The following FCER1A variants were observed in gnomAD, a reference collection of about 807,000 sequenced individuals.
FCER1A encodes high affinity immunoglobulin epsilon receptor subunit alpha.
In FCER1A, 24 loss-of-function variants were observed where a neutral mutation model predicts 23.6. The ratio of observed to expected loss-of-function variants is 1.02; its 90% CI spans 0.74 to 1.43. The LOEUF is 1.43. Among genes scored for constraint, FCER1A ranks in the 40% most tolerant of loss-of-function variants. FCER1A has a pLI of 0.00. For synonymous variants in FCER1A, 121 were observed against 108.8 expected (o/e 1.11, Z -0.70); for missense variants, 318 against 294.5 (o/e 1.08, Z -0.58).
chr1:159,307,892 T>G lies in FCER1A; in HGVS notation c.734T>G (p.Leu245Arg), dbSNP rs143576640. 8.1e-6 allele frequency: 13 copies of G among 1,612,718 alleles called. No individual in the cohort carries two copies. The highest frequency in any genetic ancestry group is 1.1e-5 in the Non-Finnish European group (13 of 1,178,940). The change falls in exon 5 of 5, where the codon CTT becomes CGT. Residue 245 changes from leucine (L) to arginine (R), a missense_variant. By Grantham distance (102) the Leu-to-Arg change is moderately radical. Transcript: ENST00000693622. ...AAGAGAACCAGGAAAGGCTTCAGACTTCTGAACCCACATCCTAAGCCAAAC... is the reference window on the plus strand; with the variant it reads ...AAGAGAACCAGGAAAGGCTTCAGACGTCTGAACCCACATCCTAAGCCAAAC... Reference protein sequence around the residue: ...KIKRTRKGFRLLNPHPKPNPK... With the variant: ...KIKRTRKGFRRLNPHPKPNPK...
intron 3 of FCER1A, among the ~76,000 whole-genome samples, chr1:159,304,990 C>T (rs1652555450): frequency 6.6e-6 from 1 of 152,140 alleles, no homozygotes; most frequent in Non-Finnish European, 1.5e-5. Flanking sequence ...ATTTTTATCA[C>T]TCCTACTGCC....
At chr1:159,303,643 A>G (rs981792788) in intron 2 of FCER1A, among the ~76,000 whole-genome samples, 1 of 152,254 alleles carries the variant, frequency 6.6e-6, no homozygotes, top group Non-Finnish European at 1.5e-5. Context: ...TGAAATTAAC[A>G]GAAGTAGAGT....
At chr1:159,293,676 G>C (rs1378782290) in intron 1 of FCER1A, among the ~76,000 whole-genome samples, 1 of 151,222 alleles carries the variant, frequency 6.6e-6, no homozygotes, top group African/African-American at 2.4e-5. Flanking sequence ...AGTTTACTGA[G>C]AATGATGATT....
At chr1:159,298,725 C>A (rs1652356851), upstream of FCER1A, among the ~76,000 whole-genome samples, 1 of 152,118 alleles carries the variant, frequency 6.6e-6, no homozygotes. Context: ...TAGGCATGTC[C>A]ATGAAATATA....
At chr1:159,292,777 G>A (rs1571075731) in intron 1 of FCER1A, among the ~76,000 whole-genome samples, 1 of 152,106 alleles carries the variant, frequency 6.6e-6, no homozygotes, top group Non-Finnish European at 1.5e-5. Context: ...CCTGTAAGAG[G>A]TAATTGGTTC....
At chr1:159,303,872 T>C in intron 2 of FCER1A, 56 bp from the exon 3 acceptor site, 1 of 1,433,220 alleles carries the variant, frequency 7.0e-7, no homozygotes, top group Non-Finnish European at 9.6e-7. Flanking sequence ...GCCTAGACAG[T>C]TTTCAATGAC....
upstream of FCER1A, chr1:159,289,629 A>C (rs558361915): frequency 2.8e-4 from 42 of 152,238 alleles, no homozygotes; most frequent in African/African-American, 9.9e-4. Context: ...GTCTCATTGG[A>C]GTTATTAGGC....
In FCER1A at chr1:159,307,874, C is replaced by A. The variant is rs1214720505; in HGVS notation, c.716C>A (p.Thr239Asn). 3.1e-6 allele frequency: 5 copies of A among 1,613,322 alleles called. No individual in the cohort carries two copies. In the Admixed American group the frequency reaches 8.3e-5, roughly 27 times the overall value. ...ACATTTCTCTTGAAGATTAAGAGAA[C>A]CAGGAAAGGCTTCAGACTTCTGAAC... ...QVTFLLKIKR[T>N]RKGFRLLNPH... Residue 239 changes from threonine (T) to asparagine (N), a missense_variant, in exon 5 of 5, where the codon ACC becomes AAC. Thr to Asn is a moderately conservative substitution (Grantham distance 65). Transcript: ENST00000693622.
intron 1 of FCER1A, among the ~76,000 whole-genome samples, chr1:159,292,274 C>G (rs1201395846): frequency 2.0e-5 from 3 of 152,064 alleles, no homozygotes; most frequent in Non-Finnish European, 4.4e-5. Flanking sequence ...AGCACAGACT[C>G]TTAGATACAA....
At chr1:159,297,037 T>C (rs1652309848) in intron 1 of FCER1A, among the ~76,000 whole-genome samples, 1 of 152,210 alleles carries the variant, frequency 6.6e-6, no homozygotes, top group Non-Finnish European at 1.5e-5. Flanking sequence ...CATCCTTGTC[T>C]GTTAACGGCC....
chr1:159,303,263 G>A (rs1163768262), intron 2 of FCER1A, among the ~76,000 whole-genome samples: 2 of 152,060 alleles, frequency 1.3e-5, no homozygotes, highest in African/African-American at 4.8e-5. Context: ...AAGTTCCTTG[G>A]ATCTAAGTCC....
chr1:159,304,255 G>A (rs563536371), intron 3 of FCER1A, 73 bp downstream of exon 3: 10 of 1,463,206 alleles, frequency 6.8e-6, no homozygotes, highest in Non-Finnish European at 9.4e-6. Flanking sequence ...GAAAAAACAG[G>A]TTATTCCAAG....
In FCER1A at chr1:159,306,190, C is replaced by A. The variant is rs778295141; in HGVS notation, c.534C>A (p.Gly178=). ...VEDSGTYYCT[G]KVWQLDYESE... is the part of the protein sequence containing the mutation. ...ACAGTGGAACCTACTACTGTACGGGCAAAGTGTGGCAGCTGGACTATGAGT... is the reference window on the plus strand; with the variant it reads ...ACAGTGGAACCTACTACTGTACGGGAAAAGTGTGGCAGCTGGACTATGAGT... The change falls in exon 4 of 5, where the codon GGC becomes GGA. Residue 178 remains glycine (G), a synonymous_variant. Coordinates refer to ENST00000693622, the MANE Select transcript of FCER1A (RefSeq NM_001387280.1). The A allele has an allele frequency of 1.2e-5, 20 of 1,613,856 alleles. No homozygotes were observed. Among genetic ancestry groups the A allele is most frequent in the Non-Finnish European group, 1.7e-5 (20 of 1,179,920 alleles).
upstream of FCER1A, among the ~76,000 whole-genome samples, chr1:159,285,231 G>A (rs985084800): frequency 3.9e-5 from 6 of 152,122 alleles, no homozygotes; most frequent in Non-Finnish European, 5.9e-5. Context: ...AATAAAAAAT[G>A]TCTCTAAACA....
chr1:159,306,910 T>C (rs1236536721), intron 4 of FCER1A, among the ~76,000 whole-genome samples: 1 of 152,218 alleles, frequency 6.6e-6, no homozygotes, highest in Non-Finnish European at 1.5e-5. Flanking sequence ...TAAAAAAGCA[T>C]GAGGTCAAAA....
At chr1:159,296,126 A>G (rs1481839968) in intron 1 of FCER1A, among the ~76,000 whole-genome samples, 1 of 152,112 alleles carries the variant, frequency 6.6e-6, no homozygotes, top group African/African-American at 2.4e-5. Context: ...GTCAGCTGGT[A>G]TATTTTTAAC....
intron 3 of FCER1A, 47 bp downstream of exon 3, chr1:159,304,229 G>A: frequency 1.3e-6 from 2 of 1,570,710 alleles, no homozygotes. Context: ...GTGAGGGATG[G>A]CTCATCTGAA....
At chr1:159,300,564 T>C (rs183043602), upstream of FCER1A, among the ~76,000 whole-genome samples, 83 of 152,310 alleles carry the variant, frequency 5.4e-4, no homozygotes, top group African/African-American at 1.9e-3. Flanking sequence ...GCTCTCTTCT[T>C]TGTGACTGTG....
chr1:159,302,473 C>A, intron 1 of FCER1A, 54 bp downstream of exon 1: 1 of 1,258,180 alleles, frequency 7.9e-7, no homozygotes, highest in Non-Finnish European at 1.2e-6. Flanking sequence ...ATTTGGGGAG[C>A]AGCTGGGGTA....
Sources: allele counts gnomAD v4.1 joint callset (sites outside exome capture counted in the v4.1 genomes callset), GRCh38; gene constraint gnomAD v4.1.1; transcripts MANE v1.5; gene names NCBI Gene and HGNC (gene_info 2026-07-23, HGNC 2026-07-21).